The following SPAST variants were observed in gnomAD, a reference collection of about 807,000 sequenced individuals.
The protein encoded by SPAST is spastin.
SPAST carries 30 observed loss-of-function variants against 76.6 expected under a neutral mutation model. The ratio of observed to expected loss-of-function variants is 0.39; its 90% CI spans 0.29 to 0.53. The LOEUF (loss-of-function observed/expected upper bound fraction) is 0.53. SPAST is among the 20% of genes least tolerant of loss of function. The probability of loss-of-function intolerance (pLI) is 0.68; values close to 1 mark genes in which losing one functional copy is unlikely to be tolerated. For missense variants in SPAST, 717 were observed against 770.5 expected, an observed-to-expected ratio of 0.93 and a Z score of 0.82; for synonymous variants, 305 against 281.0, an observed-to-expected ratio of 1.09 and a Z score of -0.86.
chr2:32,099,870 T>C (rs780730423), intron 4 of SPAST, among the ~76,000 whole-genome samples: 2 of 152,192 alleles, frequency 1.3e-5, no homozygotes, highest in Admixed American at 1.3e-4. Flanking sequence ...AAAAATAATA[T>C]TCTGTGTGTA....
chr2:32,090,560 A>G lies in SPAST; in HGVS notation c.586+955A>G, dbSNP rs1677669566. 2.6e-5 allele frequency among the ~76,000 whole-genome samples: 4 copies of G among 152,246 alleles called. No homozygotes were observed. In the South Asian group the frequency reaches 8.3e-4, roughly 32 times the overall value. On this transcript the variant is annotated intron_variant, in intron 3 of 16. Coordinates refer to ENST00000315285, the MANE Select transcript of SPAST (RefSeq NM_014946.4). The stretch of plus-strand genomic sequence containing the variant: ...AAAAAACTGACCCCCCCAAAATGCA[A>G]TTTCCAAATTTCTAATTTTCTCAAA...
intron 13 of SPAST, among the ~76,000 whole-genome samples, chr2:32,142,870 C>G (rs3851309): frequency 6.6e-6 from 1 of 152,106 alleles, no homozygotes; most frequent in South Asian, 2.1e-4. Context: ...TATATACTTA[C>G]AATGGGTGAA....
chr2:32,085,205 CTTT>C (rs11399879), intron 1 of SPAST, among the ~76,000 whole-genome samples: 1,690 of 119,682 alleles, frequency 0.014, 23 homozygotes, highest in African/African-American at 0.048. Flanking sequence ...TCTTCTTCTT[CTTT>C]TTTTTTTTTT....
chr2:32,110,562 GTATATATAGTATATATATAGTGTA>G (rs1192070053), intron 4 of SPAST, among the ~76,000 whole-genome samples: 3 of 124,052 alleles, frequency 2.4e-5, no homozygotes, highest in African/African-American at 6.7e-5. Flanking sequence ...TATATAGTGT[GTATATATAGTATATATATAGTGTA>G]TATATCGTAT....
In SPAST at chr2:32,114,789, G is replaced by C. The variant is rs1278613333; in HGVS notation, c.834G>C (p.Val278=). The C allele has an allele frequency of 2.5e-6, 4 of 1,613,962 alleles. No homozygotes were observed. Among genetic ancestry groups the C allele is most frequent in the African/African-American group, 1.3e-5 (1 of 74,910 alleles). The change falls in exon 5 of 17, where the codon GTG becomes GTC. Residue 278 remains valine, a synonymous_variant. Transcript: ENST00000315285. The part of the protein sequence containing the change: ...SYSGLSMVSG[V]KQGSGPAPTT... ...GTGGTTTATCCATGGTTTCTGGAGT[G>C]AAACAGGGATCTGGTCCTGCTCCTA...
At position 32,075,894 on chromosome 2, in the gene SPAST, C is replaced by CTTTTT. The variant is rs1286144548; in HGVS notation, c.416-11597_416-11596insTTTTT. 8.3e-4 allele frequency among the ~76,000 whole-genome samples: 72 copies of CTTTTT among 87,188 alleles called. 7 individuals carry two copies. The highest frequency in any genetic ancestry group is 1.8e-3 in the East Asian group (4 of 2,282). 57.2% of individuals were successfully genotyped at this position (87,188 alleles called of 152,430 possible). On this transcript the variant is annotated intron_variant, in intron 1 of 16. Transcript: ENST00000315285. Reference sequence around the variant, plus strand: ...TTTTTTTAATGAAAAATTCAAAATGCTCTTTTTTTTTTTTTTTTTTTTTTG... The same window carrying CTTTTT: ...TTTTTTTAATGAAAAATTCAAAATGCTTTTTTCTTTTTTTTTTTTTTTTTTTTTTG...
intron 3 of SPAST, among the ~76,000 whole-genome samples, chr2:32,092,985 TGACA>T (rs1254147191): frequency 7.3e-6 from 1 of 137,008 alleles, no homozygotes; most frequent in Admixed American, 7.9e-5. Flanking sequence ...CCAGACTGGG[TGACA>T]GAGAGAGACT....
At chr2:32,066,279 G>A (rs760833231) in intron 1 of SPAST, among the ~76,000 whole-genome samples, 2 of 152,066 alleles carry the variant, frequency 1.3e-5, no homozygotes, top group African/African-American at 2.4e-5. Flanking sequence ...CACCCAGCAA[G>A]CTCCATTCTT....
intron 1 of SPAST, among the ~76,000 whole-genome samples, chr2:32,074,923 G>A (rs1676893452): frequency 1.3e-5 from 2 of 152,152 alleles, no homozygotes; most frequent in African/African-American, 4.8e-5. Flanking sequence ...AACTATGTAT[G>A]CTGAGATGTT....
At chr2:32,110,509 GTATA>G (rs1230594748) in intron 4 of SPAST, among the ~76,000 whole-genome samples, 5 of 50,612 alleles carry the variant, frequency 9.9e-5, no homozygotes, top group African/African-American at 3.7e-4. Context: ...AGTATATATA[GTATA>G]TATATACTAT....
intron 9 of SPAST, among the ~76,000 whole-genome samples, chr2:32,131,591 T>G (rs933318489): frequency 2.0e-5 from 3 of 152,038 alleles, no homozygotes; most frequent in African/African-American, 7.2e-5. Flanking sequence ...GCTCAGGATC[T>G]CATAACCAGG....
chr2:32,118,891 C>G (rs1237701465), intron 7 of SPAST, among the ~76,000 whole-genome samples: 2 of 151,966 alleles, frequency 1.3e-5, no homozygotes, highest in Non-Finnish European at 2.9e-5. Flanking sequence ...TTACCCAGGC[C>G]TATAGAGAAC....
chr2:32,145,093 ATTTT>A, intron 15 of SPAST, 86 bp downstream of exon 15: 1 of 954,552 alleles, frequency 1.0e-6, no homozygotes, highest in Non-Finnish European at 1.6e-6. Flanking sequence ...CTACCAAGAG[ATTTT>A]TTTTTTCTTT....
chr2:32,076,109 C>T lies in SPAST; in HGVS notation c.416-11383C>T, dbSNP rs1325285812. 4.0e-5 allele frequency among the ~76,000 whole-genome samples: 6 copies of T among 151,582 alleles called. No homozygotes were observed. The East Asian group carries it at 1.2e-3, about 29-fold the overall frequency. The stretch of plus-strand genomic sequence containing the variant: ...AGAGATGGGGTTTTGTCATGTTGTC[C>T]AGGCTAGCCTTGAACTCCTCGCCTC... On this transcript the variant is annotated intron_variant, in intron 1 of 16. Transcript: ENST00000315285.
chr2:32,129,706 C>T (rs1484425040), intron 9 of SPAST: 2 of 152,036 alleles, frequency 1.3e-5, no homozygotes, highest in African/African-American at 2.4e-5. Context: ...TTTATCAAAA[C>T]CTTTATGATT....
intron 9 of SPAST, chr2:32,128,708 G>T: frequency 1.9e-6 from 1 of 521,496 alleles, no homozygotes; most frequent in East Asian, 3.5e-5. Context: ...CCGTAAACTG[G>T]CTGGCTTAAA....
At chr2:32,127,688 AG>A (rs1679240363) in intron 8 of SPAST, 1 of 151,422 alleles carries the variant, frequency 6.6e-6, no homozygotes, top group African/African-American at 2.4e-5. Context: ...TTTTGCCAGA[AG>A]TTTTTATCAG....
At chr2:32,086,650 C>A (rs1052181690) in intron 1 of SPAST, among the ~76,000 whole-genome samples, 6 of 151,660 alleles carry the variant, frequency 4.0e-5, no homozygotes, top group African/African-American at 7.3e-5. Flanking sequence ...CCCAGCTACT[C>A]CAGAGGCTGA....
intron 1 of SPAST, among the ~76,000 whole-genome samples, chr2:32,065,235 G>T (rs887574250): frequency 6.6e-6 from 1 of 152,022 alleles, no homozygotes; most frequent in Non-Finnish European, 1.5e-5. Context: ...GGCCAGGATG[G>T]TCTCCATCTC....
Sources: allele counts gnomAD v4.1 joint callset (sites outside exome capture counted in the v4.1 genomes callset), GRCh38; gene constraint gnomAD v4.1.1; transcripts MANE v1.5; gene names NCBI Gene and HGNC (gene_info 2026-07-23, HGNC 2026-07-21).